Variants in ASS1 observed in about 807,000 individuals in gnomAD.
ASS1 encodes argininosuccinate synthase.
In ASS1, 58 loss-of-function variants were observed where a neutral mutation model predicts 60.5. The observed-to-expected ratio is 0.96, with a 90% CI of 0.78 to 1.19. The LOEUF (loss-of-function observed/expected upper bound fraction) is 1.19. Ranked by LOEUF, ASS1 falls within the 50% of genes most tolerant of loss-of-function variation. ASS1 has a pLI of 0.00. For synonymous variants in ASS1, 200 were observed against 206.9 expected (o/e 0.97, Z 0.29); for missense variants, 454 against 547.3 (o/e 0.83, Z 1.70).
At chr9:130,466,197 C>T (rs907862520) in intron 5 of ASS1, among the ~76,000 whole-genome samples, 35 of 152,312 alleles carry the variant, frequency 2.3e-4, no homozygotes, top group African/African-American at 7.9e-4. Context: ...CAGCTCAGGC[C>T]GAGGGGCTCA....
At chr9:130,486,673 G>A (rs1356801269) in intron 11 of ASS1, among the ~76,000 whole-genome samples, 3 of 152,162 alleles carry the variant, frequency 2.0e-5, no homozygotes, top group South Asian at 2.1e-4. Context: ...TGGACATGCC[G>A]AAGGCTGCAG....
Position 130,464,177 on chromosome 9 carries a change from G to A in ASS1, c.420+10G>A, listed in dbSNP as rs200414640. On this transcript the variant is annotated intron_variant, in intron 5 of 14. Coordinates refer to ENST00000352480, the MANE Select transcript of ASS1 (RefSeq NM_054012.4). ...GGCCCCCCAGATAAAGGTAGGATGT[G>A]GCTCCTCCCCTTAGCAGGGAGCACT... The A allele has an allele frequency of 6.2e-7, 1 of 1,614,040 alleles. No individual in the cohort carries two copies. The highest frequency in any genetic ancestry group is 1.3e-5 in the African/African-American group (1 of 75,048).
At position 130,470,736 on chromosome 9, in the gene ASS1, C is replaced by G; in HGVS notation, c.496-98C>G. 1 of 1,215,676 alleles carries G rather than the reference C, an allele frequency of 8.2e-7. No homozygotes were observed. Among genetic ancestry groups the G allele is most frequent in the South Asian group, 1.2e-5 (1 of 83,018 alleles). 75.3% of individuals were successfully genotyped at this position (1,215,676 alleles called of 1,614,324 possible). A position where few individuals can be genotyped will look rare whatever the true frequency, so the allele number is the denominator to read the frequency against. ...GCCAGGGTCTTGTCTGAATGGGGGCCAGAGTTTGGGGCTCTCTGAAAAAGC... is the reference window on the plus strand; with the variant it reads ...GCCAGGGTCTTGTCTGAATGGGGGCGAGAGTTTGGGGCTCTCTGAAAAAGC... On this transcript the variant is annotated intron_variant, in intron 6 of 14. Coordinates refer to ENST00000352480, the MANE Select transcript of ASS1 (RefSeq NM_054012.4). The surrounding 1 kb of genome is among the most constrained non-coding windows in gnomAD (Gnocchi z 4.3).
rs144736019 is a variant in ASS1, at chr9:130,453,550, G to A, written c.106-755G>A. Among the ~76,000 whole-genome samples, 1,134 of 152,352 alleles carry A rather than the reference G, an allele frequency of 7.4e-3. 11 individuals carry two copies. Among genetic ancestry groups the A allele is most frequent in the Middle Eastern group, 0.014 (4 of 294 alleles). On this transcript the variant is annotated intron_variant, in intron 2 of 14. Transcript: ENST00000352480. The stretch of plus-strand genomic sequence containing the variant: ...CCAGGGTGTATCCATCTCACTGTAG[G>A]TAGCACAGCGGGGCAATCAGAGCTG...
intron 12 of ASS1, among the ~76,000 whole-genome samples, chr9:130,492,231 CTCTT>C (rs1846467289): frequency 6.6e-6 from 1 of 152,212 alleles, no homozygotes; most frequent in Non-Finnish European, 1.5e-5. Context: ...GCAGGGCTGT[CTCTT>C]CCTTGAGCCT....
At chr9:130,472,108 G>A (rs1845880687) in intron 8 of ASS1, among the ~76,000 whole-genome samples, 1 of 152,220 alleles carries the variant, frequency 6.6e-6, no homozygotes, top group Non-Finnish European at 1.5e-5. Flanking sequence ...GGGAGGTGGG[G>A]GAGGCAGGGC....
intron 14 of ASS1, among the ~76,000 whole-genome samples, chr9:130,500,561 G>A (rs1846726823): frequency 6.6e-6 from 1 of 152,010 alleles, no homozygotes; most frequent in Non-Finnish European, 1.5e-5. Context: ...CTCATGCCCC[G>A]AGAGATGTTG....
At chr9:130,480,595 C>T in intron 11 of ASS1, 146 bp downstream of exon 11, 1 of 821,770 alleles carries the variant, frequency 1.2e-6, no homozygotes, top group Non-Finnish European at 2.0e-6. Context: ...CGTGAGACCG[C>T]AGTTTCCCTC....
intron 5 of ASS1, chr9:130,466,481 C>A: frequency 1.7e-6 from 1 of 581,476 alleles, no homozygotes; most frequent in East Asian, 2.9e-5. Context: ...GGACCCCCTT[C>A]TCACCCCAAC....
chr9:130,496,264 TA>T (rs1445888579), intron 13 of ASS1, among the ~76,000 whole-genome samples: 1 of 151,364 alleles, frequency 6.6e-6, no homozygotes, highest in African/African-American at 2.4e-5. Context: ...CTACTAAAAA[TA>T]AAAAAATTAG....
intron 3 of ASS1, among the ~76,000 whole-genome samples, chr9:130,457,140 T>G (rs191648113): frequency 1.3e-5 from 2 of 152,352 alleles, no homozygotes; most frequent in East Asian, 3.9e-4. Context: ...ATGTCTGGCT[T>G]GACAGAAAAC....
chr9:130,456,103 A>C (rs1215990), intron 3 of ASS1, among the ~76,000 whole-genome samples: 143,187 of 152,342 alleles, frequency 0.94, 67,913 homozygotes, highest in East Asian at 1. Flanking sequence ...AGTTCTCAAA[A>C]CTTGTGGTCT....
chr9:130,449,351 A>AG (rs1338827130), intron 1 of ASS1, among the ~76,000 whole-genome samples: 1 of 151,178 alleles, frequency 6.6e-6, no homozygotes, highest in African/African-American at 2.4e-5. Context: ...TGAAAAAAAA[A>AG]AAAAAAAAAA....
rs1180384427 is a variant in ASS1 at position 130,488,142 on chromosome 9, G to A, written c.839-1191G>A. 1.3e-5 allele frequency among the ~76,000 whole-genome samples: 2 copies of A among 151,738 alleles called. No homozygotes were observed. Among genetic ancestry groups the A allele is most frequent in the Non-Finnish European group, 2.9e-5 (2 of 67,966 alleles). On this transcript the variant is annotated intron_variant, in intron 11 of 14. Coordinates refer to ENST00000352480, the MANE Select transcript of ASS1 (RefSeq NM_054012.4). This position sits in a 1 kb window ranked among gnomAD's most constrained non-coding sequence, Gnocchi z 5.2. ...TCACTCATCCCTCGATGGACACCTGGGTTGCTTCCGCCTCTTGGCTATTGT... is the reference window on the plus strand; with the variant it reads ...TCACTCATCCCTCGATGGACACCTGAGTTGCTTCCGCCTCTTGGCTATTGT...
chr9:130,445,330 T>G, intron 1 of ASS1: 1 of 765,580 alleles, frequency 1.3e-6, no homozygotes, highest in Middle Eastern at 6.6e-4. Flanking sequence ...CGGATCCGGC[T>G]TCCTCTGTGT....
rs1326484992 is a variant in ASS1, at chr9:130,459,254, C to G, written c.363+665C>G. On this transcript the variant is annotated intron_variant, in intron 4 of 14. Coordinates refer to ENST00000352480, the MANE Select transcript of ASS1 (RefSeq NM_054012.4). This position sits in a 1 kb window ranked among gnomAD's most constrained non-coding sequence, Gnocchi z 4.6. The stretch of plus-strand genomic sequence containing the variant: ...TCCAGCTTCCAGTGGCCTCTGGTGT[C>G]CCTTAGCGTGTGGCTGCGTCACTCC... 6.6e-6 allele frequency among the ~76,000 whole-genome samples: 1 copy of G among 152,130 alleles called. No homozygotes were observed. Among genetic ancestry groups the G allele is most frequent in the Non-Finnish European group, 1.5e-5 (1 of 68,032 alleles).
At position 130,484,452 on chromosome 9, in the gene ASS1, G is replaced by T. The variant is rs1419385905; in HGVS notation, c.838+4003G>T. Among the ~76,000 whole-genome samples, 3 of 150,296 alleles carry T rather than the reference G, an allele frequency of 2.0e-5. No homozygotes were observed. The South Asian group carries it at 6.4e-4, about 32-fold the overall frequency. On this transcript the variant is annotated intron_variant, in intron 11 of 14. Coordinates refer to ENST00000352480, the MANE Select transcript of ASS1 (RefSeq NM_054012.4). ...ATCCTTGCCCGTCTCCCCACTCCCC[G>T]CTGCACCTTTCTTGGCAGTAATTAT...
At chr9:130,466,848 TC>T in intron 6 of ASS1, 49 bp downstream of exon 6, 1 of 1,588,718 alleles carries the variant, frequency 6.3e-7, no homozygotes, top group African/African-American at 1.3e-5. Flanking sequence ...ATAGCCCCCT[TC>T]CCGGGCACGT....
intron 11 of ASS1, among the ~76,000 whole-genome samples, chr9:130,484,594 G>A (rs1366769023): frequency 3.3e-5 from 5 of 152,120 alleles, no homozygotes; most frequent in East Asian, 1.9e-4. Context: ...AAAGATGTCC[G>A]TTGTCTCTTC....
Sources: gnomAD v4.1 joint callset for allele counts (sites outside exome capture counted in the v4.1 genomes callset) on GRCh38, gnomAD v4.1.1 for gene constraint, Gnocchi (gnomAD v3.1) non-coding constraint, MANE v1.5 for transcripts, NCBI Gene and HGNC (gene_info 2026-07-23, HGNC 2026-07-21) for gene names.